Variants in NRG2 observed in about 807,000 individuals in gnomAD.
The protein encoded by NRG2 is neuregulin 2, also known as pro-neuregulin-2, membrane-bound isoform.
Under a neutral mutation model 73.9 loss-of-function variants are expected in NRG2, and 27 were observed. That is an observed-to-expected ratio of 0.37 (90% CI 0.27 to 0.50). The LOEUF (loss-of-function observed/expected upper bound fraction) is 0.50. Ranked by LOEUF, NRG2 falls within the 20% of genes least tolerant of loss-of-function variation. The pLI is 0.96. For missense variants in NRG2, 1,126 were observed against 1,210.1 expected (o/e 0.93, Z 1.03); for synonymous variants, 532 against 541.0 (o/e 0.98, Z 0.23).
At chr5:139,913,725 T>G (rs1358082180) in intron 1 of NRG2, among the ~76,000 whole-genome samples, 1 of 152,168 alleles carries the variant, frequency 6.6e-6, no homozygotes, top group African/African-American at 2.4e-5. Context: ...CTCAAGGAGC[T>G]TACAATCTAG....
intron 1 of NRG2, among the ~76,000 whole-genome samples, chr5:139,977,257 A>C (rs1431011066): frequency 1.3e-5 from 2 of 152,194 alleles, no homozygotes; most frequent in Non-Finnish European, 2.9e-5. Context: ...CTAAAATAAA[A>C]AGTTTATTAA....
At chr5:139,980,722 C>T (rs1019052568) in intron 1 of NRG2, among the ~76,000 whole-genome samples, 6 of 152,242 alleles carry the variant, frequency 3.9e-5, no homozygotes, top group Non-Finnish European at 7.3e-5. Flanking sequence ...CTAATCTCTA[C>T]AATCAGTTGG....
chr5:139,903,981 C>A (rs981804796), intron 1 of NRG2, among the ~76,000 whole-genome samples: 2 of 152,242 alleles, frequency 1.3e-5, no homozygotes, highest in Admixed American at 6.5e-5. Context: ...GCCTTTCTGT[C>A]GGTATCCGCG....
At chr5:139,864,205 G>A (rs752087426) in intron 5 of NRG2, among the ~76,000 whole-genome samples, 6 of 152,060 alleles carry the variant, frequency 3.9e-5, no homozygotes, top group African/African-American at 1.4e-4. Context: ...GCAAGCCAGC[G>A]GACCCCTGGT....
At position 139,852,978 on chromosome 5, in the gene NRG2, C is replaced by A; in HGVS notation, c.1342G>T (p.Ala448Ser). 6.2e-7 allele frequency: 1 copy of A among 1,613,342 alleles called. No individual in the cohort carries two copies. The highest frequency in any genetic ancestry group is 2.2e-5 in the East Asian group (1 of 44,804). ...TTGGCCAAGCTCCGGTTCTGATGGGCCGGGCACATGTTCTGCCGGAGGTGG... is the reference window on the plus strand; with the variant it reads ...TTGGCCAAGCTCCGGTTCTGATGGGACGGGCACATGTTCTGCCGGAGGTGG... ...HNHLRQNMCP[A>S]HQNRSLANGP... is the part of the protein sequence containing the mutation. The change falls in exon 7 of 10, where the codon GCC becomes TCC. Residue 448 changes from alanine to serine, a missense_variant. Physicochemically the swap from Ala to Ser is moderately conservative, Grantham distance 99. Transcript: ENST00000361474. This position sits in a 1 kb window ranked among gnomAD's most constrained non-coding sequence, Gnocchi z 4.4.
At chr5:139,964,357 T>TACACAC (rs71574473) in intron 1 of NRG2, among the ~76,000 whole-genome samples, 395 of 142,834 alleles carry the variant, frequency 2.8e-3, no homozygotes, top group Middle Eastern at 7.2e-3. Flanking sequence ...GAAATACAGA[T>TACACAC]ACACACACAC....
rs1763865810 is a variant in NRG2 at position 139,886,277 on chromosome 5, C to A, written c.872+1063G>T. Among the ~76,000 whole-genome samples, 3 of 152,286 alleles carry A rather than the reference C, an allele frequency of 2.0e-5. No homozygotes were observed. The South Asian group carries it at 6.2e-4, about 32-fold the overall frequency. On this transcript the variant is annotated intron_variant, in intron 2 of 9. Transcript: ENST00000361474. ...CCCAGTCCCCTGACTCCTTTAACCT[C>A]TTTTACAGGTTCCAGAGTCTGAGGG... is the stretch of plus-strand genomic sequence containing the variant.
intron 1 of NRG2, among the ~76,000 whole-genome samples, chr5:139,947,052 T>C (rs1753846173): frequency 1.3e-5 from 2 of 151,798 alleles, no homozygotes; most frequent in South Asian, 4.1e-4. Flanking sequence ...TGTGGAGAAA[T>C]TTGAACGCTT....
intron 1 of NRG2, among the ~76,000 whole-genome samples, chr5:139,967,725 G>C (rs1006960579): frequency 3.9e-5 from 6 of 152,118 alleles, no homozygotes; most frequent in Non-Finnish European, 8.8e-5. Context: ...TGTAATCCTA[G>C]CACTCTGGGA....
At chr5:139,925,759 C>T (rs1752008415) in intron 1 of NRG2, among the ~76,000 whole-genome samples, 1 of 152,180 alleles carries the variant, frequency 6.6e-6, no homozygotes, top group South Asian at 2.1e-4. Context: ...AGCGCAGGCT[C>T]CTGAGGTCTG....
intron 1 of NRG2, among the ~76,000 whole-genome samples, chr5:140,016,825 C>T (rs574742686): frequency 1.8e-4 from 27 of 152,284 alleles, no homozygotes; most frequent in South Asian, 1.7e-3. Flanking sequence ...TGGCCTGCAG[C>T]GTGGTCATCT....
At chr5:140,023,789 A>T (rs1385303225) in intron 1 of NRG2, among the ~76,000 whole-genome samples, 1 of 152,060 alleles carries the variant, frequency 6.6e-6, no homozygotes, top group African/African-American at 2.4e-5. Flanking sequence ...TACCTGGGGG[A>T]TTTGCTATAG....
At chr5:139,874,778 T>A (rs528871555) in intron 3 of NRG2, among the ~76,000 whole-genome samples, 1 of 152,296 alleles carries the variant, frequency 6.6e-6, no homozygotes, top group Admixed American at 6.5e-5. Flanking sequence ...CCTCTCCCAC[T>A]TCATCTCCCA....
chr5:139,887,376 C>A lies in NRG2; in HGVS notation c.836G>T (p.Arg279Leu). 6.2e-7 allele frequency: 1 copy of A among 1,614,200 alleles called. No homozygotes were observed. Among genetic ancestry groups the A allele is most frequent in the South Asian group, 1.1e-5 (1 of 91,082 alleles). The change falls in exon 2 of 10, where the codon CGC (arginine) becomes CTC (leucine). Residue 279 changes from arginine (R) to leucine (L), a missense_variant. By Grantham distance (102) the Arg-to-Leu change is moderately radical. Transcript: ENST00000361474. The surrounding 1 kb of genome is among the most constrained non-coding windows in gnomAD (Gnocchi z 4.5). ...RWFKDGKELN[R>L]SRDIRIKYGN... ...ATATTTGATGCGAATGTCTCGGCTG[C>A]GGTTGAGCTCCTTGCCATCCTTGAA...
At chr5:139,968,336 C>T (rs959497492) in intron 1 of NRG2, among the ~76,000 whole-genome samples, 51 of 152,174 alleles carry the variant, frequency 3.4e-4, no homozygotes, top group Non-Finnish European at 4.6e-4. Flanking sequence ...AGAGGGCCTG[C>T]GTGAGGGTAG....
intron 1 of NRG2, among the ~76,000 whole-genome samples, chr5:139,917,842 T>C (rs980202441): frequency 1.3e-5 from 2 of 152,236 alleles, no homozygotes; most frequent in African/African-American, 2.4e-5. Flanking sequence ...CTGTGGGTCG[T>C]CTTTTCACTT....
intron 1 of NRG2, among the ~76,000 whole-genome samples, chr5:140,014,589 C>G (rs531289048): frequency 1.3e-5 from 2 of 152,188 alleles, no homozygotes; most frequent in African/African-American, 4.8e-5. Context: ...TTTTATCTAT[C>G]AGGAAGTCTT....
chr5:140,013,390 A>G (rs1236796040), intron 1 of NRG2, among the ~76,000 whole-genome samples: 1 of 152,198 alleles, frequency 6.6e-6, no homozygotes, highest in Non-Finnish European at 1.5e-5. Context: ...TTACTTCTAT[A>G]TTAAAAAATA....
chr5:139,944,453 T>C (rs1242955653), intron 1 of NRG2, among the ~76,000 whole-genome samples: 2 of 152,180 alleles, frequency 1.3e-5, no homozygotes, highest in South Asian at 2.1e-4. Flanking sequence ...TCTACTTTTT[T>C]ACTTATTTGA....
Sources: gnomAD v4.1 joint callset for allele counts (sites outside exome capture counted in the v4.1 genomes callset) on GRCh38, gnomAD v4.1.1 for gene constraint, Gnocchi (gnomAD v3.1) non-coding constraint, MANE v1.5 for transcripts, NCBI Gene and HGNC (gene_info 2026-07-23, HGNC 2026-07-21) for gene names.